Variants in SOCS7 observed in about 807,000 individuals in gnomAD.
SOCS7 encodes the protein suppressor of cytokine signaling 7, also known as NAP-4.
Under a neutral mutation model 58.9 loss-of-function variants are expected in SOCS7, and 18 were observed. The ratio of observed to expected loss-of-function variants is 0.31; its 90% confidence interval spans 0.21 to 0.45. SOCS7 has a LOEUF of 0.45. SOCS7 is among the 20% of genes least tolerant of loss of function. The probability of loss-of-function intolerance (pLI) is 1.00; values close to 1 mark genes in which losing one functional copy is unlikely to be tolerated. For synonymous variants in SOCS7, 388 were observed against 364.3 expected, an observed-to-expected ratio of 1.06 and a Z score of -0.74; for missense variants, 667 against 837.3, an observed-to-expected ratio of 0.80 and a Z score of 2.51.
intron 7 of SOCS7, among the ~76,000 whole-genome samples, chr17:38,389,960 C>T (rs1418967748): frequency 2.0e-5 from 2 of 102,174 alleles, no homozygotes; most frequent in Non-Finnish European, 4.1e-5. Context: ...CTCTCTCTGT[C>T]ACCGAGGCTG....
intron 7 of SOCS7, among the ~76,000 whole-genome samples, chr17:38,384,498 T>C (rs1014077726): frequency 3.9e-5 from 6 of 152,192 alleles, no homozygotes; most frequent in Admixed American, 3.9e-4. Flanking sequence ...GTTTCTATGT[T>C]GCACAGGCTG....
chr17:38,376,558 C>T (rs560237783), intron 6 of SOCS7, among the ~76,000 whole-genome samples: 5 of 152,016 alleles, frequency 3.3e-5, no homozygotes, highest in African/African-American at 1.2e-4. Context: ...GTGGTGAAAC[C>T]CTGTCTCTAC....
At chr17:38,368,878 A>G (rs900408512) in intron 6 of SOCS7, among the ~76,000 whole-genome samples, 5 of 152,340 alleles carry the variant, frequency 3.3e-5, no homozygotes, top group Admixed American at 6.5e-5. Context: ...GGAAATATTC[A>G]TTAAAATGTT....
At chr17:38,377,968 C>A (rs7217149) in intron 7 of SOCS7, 126 bp downstream of exon 7, 1 of 805,816 alleles carries the variant, frequency 1.2e-6, no homozygotes. Context: ...AGCCACCACT[C>A]CTCTTACAGA....
At chr17:38,361,247 A>G (rs2144323427) in intron 1 of SOCS7, among the ~76,000 whole-genome samples, 1 of 152,386 alleles carries the variant, frequency 6.6e-6, no homozygotes, top group Admixed American at 6.5e-5. Context: ...CTGCAGTGCT[A>G]TTCTCAGGTC....
chr17:38,362,769 C>G (rs921647504), intron 2 of SOCS7, among the ~76,000 whole-genome samples: 3 of 152,098 alleles, frequency 2.0e-5, no homozygotes, highest in Non-Finnish European at 4.4e-5. Context: ...TCTTATCTTG[C>G]GATACCATGT....
Position 38,364,869 on chromosome 17 carries a change from C to T in SOCS7, c.1150+13C>T, listed in dbSNP as rs918789371. 15 of 1,593,542 alleles carry T rather than the reference C, an allele frequency of 9.4e-6. No homozygotes were observed. The highest frequency in any genetic ancestry group is 1.3e-5 in the Non-Finnish European group (15 of 1,162,198). ...CTCAGCCTCCTAGGTATAGTTTCTT[C>T]CCCTCTCCACCTTCTTGCCTAGTGG... On this transcript the variant is annotated intron_variant, in intron 3 of 9. Coordinates refer to ENST00000612932, the MANE Select transcript of SOCS7 (RefSeq NM_014598.4).
intron 9 of SOCS7, among the ~76,000 whole-genome samples, chr17:38,398,286 G>A (rs995324613): frequency 5.5e-5 from 8 of 144,300 alleles, no homozygotes; most frequent in Non-Finnish European, 9.0e-5. Context: ...CTTGTTGCCC[G>A]GGCTGGAGTG....
In SOCS7 at chr17:38,395,969, C is replaced by T. The variant is rs760043583; in HGVS notation, c.*1C>T. The T allele has an allele frequency of 9.4e-6, 15 of 1,599,264 alleles. No individual in the cohort carries two copies. The highest frequency in any genetic ancestry group is 9.1e-5 in the South Asian group (8 of 88,206). ...GCAAGAGGTGGAACCCTCCACGTAG[C>T]GAGGGGCTCCCTGCTGGTCACCACC... On this transcript the variant is annotated 3_prime_UTR_variant, in exon 9 of 10. Transcript: ENST00000612932.
In SOCS7 at chr17:38,360,991, G is replaced by A. The variant is rs958985920; in HGVS notation, c.981-720G>A. ...AAGCCACTTGAAAGTGTGGTAAGAA[G>A]TGAAGTTATCTTTGGTATATTAACC... is the stretch of plus-strand genomic sequence containing the variant. On this transcript the variant is annotated intron_variant, in intron 1 of 9. Transcript: ENST00000612932. Among the ~76,000 whole-genome samples, 5 of 152,356 alleles carry A rather than the reference G, an allele frequency of 3.3e-5. No homozygotes were observed. The East Asian group carries it at 9.6e-4, about 29-fold the overall frequency.
chr17:38,386,209 A>C (rs941314295), intron 7 of SOCS7, among the ~76,000 whole-genome samples: 2 of 150,716 alleles, frequency 1.3e-5, no homozygotes, highest in African/African-American at 2.5e-5. Flanking sequence ...CTGTAATCCC[A>C]GCTACTTGGG....
rs570108147 is a variant in SOCS7, at chr17:38,351,934, C to T, written c.-119C>T. 3.3e-4 allele frequency among the ~76,000 whole-genome samples: 50 copies of T among 151,562 alleles called. No homozygotes were observed. The highest frequency in any genetic ancestry group is 1.2e-3 in the African/African-American group (48 of 41,456). On this transcript the variant is annotated 5_prime_UTR_variant, in exon 1 of 10. Transcript: ENST00000612932. Reference sequence around the variant, plus strand: ...CCCGCCCCCCTCTATGAGGCAGAGGCCGCGGCGGCCGTTAGCGCTGTCGCT... The same window carrying T: ...CCCGCCCCCCTCTATGAGGCAGAGGTCGCGGCGGCCGTTAGCGCTGTCGCT...
intron 3 of SOCS7, 29 bp from the exon 4 acceptor site, chr17:38,365,279 G>A (rs776025243): frequency 6.5e-7 from 1 of 1,545,326 alleles, no homozygotes; most frequent in South Asian, 1.1e-5. Context: ...TCACATTTCT[G>A]AACCTCTTGC....
At chr17:38,389,427 A>G (rs2038121193) in intron 7 of SOCS7, among the ~76,000 whole-genome samples, 1 of 152,118 alleles carries the variant, frequency 6.6e-6, no homozygotes, top group Admixed American at 6.6e-5. Flanking sequence ...GTGGTGGTGC[A>G]TGTCTGTAGT....
intron 7 of SOCS7, among the ~76,000 whole-genome samples, chr17:38,389,737 C>T (rs933369615): frequency 1.4e-5 from 2 of 145,170 alleles, no homozygotes; most frequent in South Asian, 4.5e-4. Flanking sequence ...TTTGCCTAAC[C>T]AAAGGTGATG....
chr17:38,374,755 C>G (rs962122190), intron 6 of SOCS7, among the ~76,000 whole-genome samples: 2 of 152,198 alleles, frequency 1.3e-5, no homozygotes, highest in African/African-American at 4.8e-5. Context: ...GAGATGAGTT[C>G]TTCTGAGTCA....
intron 6 of SOCS7, among the ~76,000 whole-genome samples, chr17:38,372,450 G>A (rs1317268693): frequency 6.6e-6 from 1 of 152,138 alleles, no homozygotes; most frequent in Non-Finnish European, 1.5e-5. Flanking sequence ...ATATTTCATA[G>A]CCAACTAACT....
intron 2 of SOCS7, among the ~76,000 whole-genome samples, chr17:38,362,964 A>G (rs1486432636): frequency 6.6e-6 from 1 of 152,110 alleles, no homozygotes; most frequent in African/African-American, 2.4e-5. Context: ...AATACAAAAA[A>G]TTAGCTGGGG....
At chr17:38,366,981 G>A (rs2037798540) in intron 5 of SOCS7, among the ~76,000 whole-genome samples, 1 of 152,228 alleles carries the variant, frequency 6.6e-6, no homozygotes, top group Non-Finnish European at 1.5e-5. Context: ...TAGATTAACT[G>A]ACCCAGTTCC....
Sources: allele counts gnomAD v4.1 joint callset (sites outside exome capture counted in the v4.1 genomes callset), GRCh38; gene constraint gnomAD v4.1.1; transcripts MANE v1.5; gene names NCBI Gene and HGNC (gene_info 2026-07-23, HGNC 2026-07-21).